The following LOC400499 variants were observed in gnomAD, a reference collection of about 807,000 sequenced individuals.
At chr16:11,386,031 G>C in the LOC400499 span, among the ~76,000 whole-genome samples, 17 of 152,154 alleles carry the variant, frequency 1.1e-4, no homozygotes, top group South Asian at 3.3e-3. Flanking sequence ...GTGAGACCTA[G>C]TCTCAAAAAA....
the LOC400499 span, among the ~76,000 whole-genome samples, chr16:11,513,233 G>C: frequency 9.9e-6 from 1 of 100,996 alleles, no homozygotes. Flanking sequence ...GTGAAACCCT[G>C]TCTCAACAAC....
chr16:11,387,087 G>A, the LOC400499 span: 54 of 1,232,144 alleles, frequency 4.4e-5, no homozygotes, highest in Admixed American at 8.4e-5. Flanking sequence ...GGAGGAGGGC[G>A]GCACAGCCCG....
chr16:11,518,847 A>G, the LOC400499 span: 9 of 399,010 alleles, frequency 2.3e-5, no homozygotes, highest in Non-Finnish European at 4.0e-5. Context: ...CAGAGGGCTC[A>G]CAGCTCCAGC....
At chr16:11,501,927 A>G in the LOC400499 span, 15,397 of 391,892 alleles carry the variant, frequency 0.039, 399 homozygotes, top group Non-Finnish European at 0.049. Flanking sequence ...GCACATTCTC[A>G]GACTGAAGGA....
the LOC400499 span, among the ~76,000 whole-genome samples, chr16:11,458,440 G>A: frequency 2.0e-5 from 3 of 151,826 alleles, no homozygotes; most frequent in African/African-American, 7.3e-5. Flanking sequence ...GGGAGGCGGA[G>A]GTTGCAGTGA....
chr16:11,386,868 G>A, the LOC400499 span, among the ~76,000 whole-genome samples: 1 of 152,248 alleles, frequency 6.6e-6, no homozygotes, highest in African/African-American at 2.4e-5. Flanking sequence ...CTCCAGCAGT[G>A]CCCGCAGGGA....
At chr16:11,498,361 A>G in the LOC400499 span, among the ~76,000 whole-genome samples, 1 of 152,114 alleles carries the variant, frequency 6.6e-6, no homozygotes, top group African/African-American at 2.4e-5. Flanking sequence ...TGTGCATCAT[A>G]ATCCCAGCTA....
chr16:11,430,196 G>T, the LOC400499 span, among the ~76,000 whole-genome samples: 13 of 152,088 alleles, frequency 8.5e-5, no homozygotes, highest in Non-Finnish European at 1.5e-5. Flanking sequence ...CCTTCAAAAT[G>T]TAAATATCTG....
the LOC400499 span, chr16:11,502,057 C>A: frequency 5.0e-6 from 2 of 399,116 alleles, no homozygotes; most frequent in African/African-American, 2.1e-5. Context: ...GTCCATCCCC[C>A]ACCCGGAGAG....
chr16:11,475,644 T>C, the LOC400499 span: 1 of 399,094 alleles, frequency 2.5e-6, no homozygotes, highest in Non-Finnish European at 4.4e-6. Flanking sequence ...AGTACAGGAC[T>C]GGACCTCAGA....
the LOC400499 span, among the ~76,000 whole-genome samples, chr16:11,427,455 T>G: frequency 1.3e-5 from 2 of 151,642 alleles, no homozygotes; most frequent in East Asian, 3.9e-4. Context: ...AATTTGATTA[T>G]TTTTTTTGAG....
At chr16:11,417,558 C>G in the LOC400499 span, 3 of 398,274 alleles carry the variant, frequency 7.5e-6, 1 homozygote, top group South Asian at 2.8e-4. Flanking sequence ...GGGTCCAGGC[C>G]TGAGGCTGCT....
chr16:11,501,860 G>C, the LOC400499 span, among the ~76,000 whole-genome samples: 1 of 152,144 alleles, frequency 6.6e-6, no homozygotes, highest in African/African-American at 2.4e-5. Flanking sequence ...TCTCAGGCAG[G>C]ATAGAGCTTG....
the LOC400499 span, among the ~76,000 whole-genome samples, chr16:11,424,749 G>A: frequency 5.5e-4 from 83 of 152,252 alleles, no homozygotes; most frequent in Non-Finnish European, 8.2e-4. Flanking sequence ...TGAGAAGCTC[G>A]AGCAGGGGCT....
the LOC400499 span, chr16:11,399,168 G>A: frequency 2.0e-6 from 2 of 977,272 alleles, no homozygotes; most frequent in Middle Eastern, 5.2e-4. Context: ...GGGAACCGGA[G>A]CTCCCGATCT....
At chr16:11,387,450 T>C in the LOC400499 span, among the ~76,000 whole-genome samples, 1,328 of 152,144 alleles carry the variant, frequency 8.7e-3, 13 homozygotes, top group African/African-American at 0.031. Flanking sequence ...GGAAATCCCA[T>C]CATGAGGTGG....
chr16:11,399,501 G>A, the LOC400499 span: 29 of 398,820 alleles, frequency 7.3e-5, no homozygotes, highest in African/African-American at 5.9e-4. Context: ...CGCATGCGGT[G>A]CTGGCCCCAG....
At chr16:11,505,837 T>C in the LOC400499 span, among the ~76,000 whole-genome samples, 1 of 152,130 alleles carries the variant, frequency 6.6e-6, no homozygotes, top group African/African-American at 2.4e-5. Flanking sequence ...ATCAGGATAA[T>C]TGCGATATCC....
the LOC400499 span, among the ~76,000 whole-genome samples, chr16:11,516,600 A>G: frequency 6.6e-6 from 1 of 152,304 alleles, no homozygotes; most frequent in South Asian, 2.1e-4. Flanking sequence ...CTGCATTCCA[A>G]AACGCCTCAC....
Sources: allele counts gnomAD v4.1 joint callset (sites outside exome capture counted in the v4.1 genomes callset), GRCh38; gene constraint gnomAD v4.1.1; transcripts MANE v1.5.